Variants in CES3 observed in about 807,000 individuals in gnomAD.
The protein encoded by CES3 is carboxylesterase 3, also known as carboxylesterase 3 (brain).
A neutral mutation model predicts 57.6 loss-of-function variants in CES3; 49 were observed. The observed-to-expected ratio is 0.85, with a 90% confidence interval of 0.68 to 1.08. The LOEUF is 1.08. CES3 is among the 50% of genes least tolerant of loss of function. CES3 has a pLI of 0.00. For missense variants in CES3, 645 were observed against 742.0 expected (o/e 0.87, Z 1.52); for synonymous variants, 266 against 281.6 (o/e 0.94, Z 0.55).
intron 1 of CES3, among the ~76,000 whole-genome samples, chr16:66,962,571 C>A (rs559496818): frequency 9.4e-4 from 143 of 152,154 alleles, no homozygotes; most frequent in African/African-American, 3.3e-3. Context: ...CCAGCCTGGG[C>A]AACATAATGA....
intron 9 of CES3, 54 bp downstream of exon 9, chr16:66,969,813 G>C (rs980620173): frequency 1.3e-6 from 2 of 1,493,832 alleles, no homozygotes; most frequent in Non-Finnish European, 1.8e-6. Flanking sequence ...GAAGCTAGTG[G>C]GTATCCCATC....
chr16:66,969,744 C>T lies in CES3; in HGVS notation c.1128C>T (p.Pro376=), dbSNP rs11861989. 7.1e-3 allele frequency: 11,467 copies of T among 1,612,616 alleles called. 616 individuals are homozygous for T. The African/African-American group carries it at 0.13, about 18-fold the overall frequency. Residue 376 remains proline (P), a synonymous_variant, in exon 9 of 13, where the codon CCC becomes CCT. Transcript: ENST00000303334. ...AGGACATGCTGGCCATCTCAACACC[C>T]GTCTTGACCAGTCTGGTGAGACAAG... ...SREDMLAIST[P]VLTSLDVPPE... is the part of the protein sequence containing the mutation.
At chr16:66,968,667 A>G (rs1338132690) in intron 8 of CES3, among the ~76,000 whole-genome samples, 1 of 152,152 alleles carries the variant, frequency 6.6e-6, no homozygotes. Flanking sequence ...TAATCCCAGC[A>G]CTTTGGGAGG....
At chr16:66,971,056 C>T (rs1028209112) in intron 9 of CES3, 116 bp from the exon 10 acceptor site, 55 of 1,231,598 alleles carry the variant, frequency 4.5e-5, no homozygotes, top group Middle Eastern at 2.8e-4. Flanking sequence ...TGGCTGTCCC[C>T]TGGACCATCA....
intron 9 of CES3, 144 bp from the exon 10 acceptor site, chr16:66,971,028 G>A: frequency 3.5e-6 from 3 of 861,164 alleles, no homozygotes; most frequent in Non-Finnish European, 5.1e-6. Context: ...CAAACTCCCA[G>A]GGAGGCAGAG....
At chr16:66,972,317 C>T in intron 10 of CES3, 39 bp from the exon 11 acceptor site, 2 of 1,532,026 alleles carry the variant, frequency 1.3e-6, no homozygotes, top group Non-Finnish European at 1.8e-6. Flanking sequence ...TCGAATCAGG[C>T]CATGAGTGCC....
intron 5 of CES3, 28 bp downstream of exon 5, chr16:66,964,538 G>A (rs184017136): frequency 1.2e-6 from 2 of 1,612,528 alleles, no homozygotes; most frequent in Admixed American, 1.7e-5. Context: ...GCTAGTGATG[G>A]TGGCCAGGAG....
intron 8 of CES3, among the ~76,000 whole-genome samples, chr16:66,969,347 G>C (rs995508241): frequency 6.6e-6 from 1 of 152,036 alleles, no homozygotes; most frequent in Admixed American, 6.5e-5. Context: ...CGGAGGTTGC[G>C]GTGAGCCGAG....
intron 1 of CES3, 191 bp from the exon 2 acceptor site, chr16:66,962,988 T>C: frequency 1.4e-6 from 1 of 711,512 alleles, no homozygotes; most frequent in Admixed American, 2.0e-5. Context: ...TGGAGTGGAG[T>C]GGTAGTGACT....
Position 66,963,594 on chromosome 16 carries a change from A to G in CES3, c.391A>G (p.Ser131Gly). 6.2e-7 allele frequency: 1 copy of G among 1,614,226 alleles called. No individual in the cohort carries two copies. The highest frequency in any genetic ancestry group is 8.5e-7 in the Non-Finnish European group (1 of 1,180,042). Reference sequence around the variant, plus strand: ...GGACTGCCTGGTCCTCAACGTCTATAGCCCAGCTGAGGTCCCCGCAGGGTC... The same window carrying G: ...GGACTGCCTGGTCCTCAACGTCTATGGCCCAGCTGAGGTCCCCGCAGGGTC... ...SEDCLVLNVYSPAEVPAGSGR... is the reference protein window; with the variant it reads ...SEDCLVLNVYGPAEVPAGSGR... The change falls in exon 3 of 13, where the codon AGC (serine) becomes GGC (glycine). Residue 131 changes from serine (S) to glycine (G), a missense_variant. Transcript: ENST00000303334. This position sits in a 1 kb window ranked among gnomAD's most constrained non-coding sequence, Gnocchi z 4.9.
At position 66,962,024 on chromosome 16, in the gene CES3, G is replaced by A. The variant is rs117616318; in HGVS notation, c.82+635G>A. Among the ~76,000 whole-genome samples the A allele has an allele frequency of 4.7e-3, 722 of 152,368 alleles. 1 individual carries two copies. The highest frequency in any genetic ancestry group is 0.01 in the Middle Eastern group (3 of 294). ...GGGCCACAGAGGGAAGCACCAGGTG[G>A]CATCAGCCAGGAGGCAGAGGGAGCA... On this transcript the variant is annotated intron_variant, in intron 1 of 12. Transcript: ENST00000303334.
At chr16:66,967,709 C>T (rs865785547) in intron 8 of CES3, 30 of 982,680 alleles carry the variant, frequency 3.1e-5, no homozygotes, top group Middle Eastern at 5.2e-4. Flanking sequence ...TTCGTCTTGG[C>T]CCATTGCACA....
At chr16:66,972,247 C>G in intron 10 of CES3, 109 bp from the exon 11 acceptor site, 1 of 1,126,832 alleles carries the variant, frequency 8.9e-7, no homozygotes, top group Admixed American at 2.7e-5. Context: ...ATTTTATCAT[C>G]ATCATCATCA....
rs1207366942 is a variant in CES3, at chr16:66,963,640, C to G, written c.426+11C>G. 10 of 1,613,916 alleles carry G rather than the reference C, an allele frequency of 6.2e-6. No homozygotes were observed. In the Admixed American group the frequency reaches 1.7e-4, roughly 27 times the overall value. ...GGGTCCGGTAGGCCGGTAGGCACCCCAGAGGGCCCTGTCCACCTGATCCAG... is the reference window on the plus strand; with the variant it reads ...GGGTCCGGTAGGCCGGTAGGCACCCGAGAGGGCCCTGTCCACCTGATCCAG... On this transcript the variant is annotated intron_variant, in intron 3 of 12. Coordinates refer to ENST00000303334, the MANE Select transcript of CES3 (RefSeq NM_024922.6). This position sits in a 1 kb window ranked among gnomAD's most constrained non-coding sequence, Gnocchi z 4.9.
intron 12 of CES3, 23 bp from the exon 13 acceptor site, chr16:66,972,831 C>G (rs1328371198): frequency 3.1e-6 from 5 of 1,613,830 alleles, no homozygotes; most frequent in Non-Finnish European, 4.2e-6. Flanking sequence ...AAGCCTTGGT[C>G]CTCATTCATT....
chr16:66,966,344 T>C lies in CES3; in HGVS notation c.920T>C (p.Leu307Pro). The change falls in exon 7 of 13, where the codon CTG (leucine) becomes CCG (proline). Residue 307 changes from leucine to proline, a missense_variant and splice_region_variant. Coordinates refer to ENST00000303334, the MANE Select transcript of CES3 (RefSeq NM_024922.6). ...EGEELVLSKK[L>P]KNTIYPLTVD... ...GAAGAGCTGGTCCTTAGCAAGAAGC[T>C]GGTATGGCCACCCTTTTGGGGATGG... is the stretch of plus-strand genomic sequence containing the variant. 2 of 1,613,388 alleles carry C rather than the reference T, an allele frequency of 1.2e-6. No homozygotes were observed. The highest frequency in any genetic ancestry group is 1.7e-5 in the Admixed American group (1 of 60,016).
In CES3 at chr16:66,963,718, C is replaced by T. The variant is rs577410639; in HGVS notation, c.427-84C>T. The T allele has an allele frequency of 6.6e-5, 106 of 1,612,042 alleles. 1 individual carries two copies. In the South Asian group the frequency reaches 7.0e-4, roughly 11 times the overall value. The stretch of plus-strand genomic sequence containing the variant: ...CGTCCCTGTTTCCAAAGCACCCTAG[C>T]GGTCCTGAGACTGCCTGGGCTGGCA... On this transcript the variant is annotated intron_variant, in intron 3 of 12. Transcript: ENST00000303334. The surrounding 1 kb of genome is among the most constrained non-coding windows in gnomAD (Gnocchi z 4.9).
intron 10 of CES3, among the ~76,000 whole-genome samples, chr16:66,971,774 G>A (rs1305812364): frequency 6.6e-6 from 1 of 152,120 alleles, no homozygotes; most frequent in Non-Finnish European, 1.5e-5. Flanking sequence ...TTTGTAAAAT[G>A]GAAATAATAA....
rs1963649374 is a variant in CES3 at position 66,961,374 on chromosome 16, C to T, written c.67C>T (p.Pro23Ser). 1.2e-6 allele frequency: 2 copies of T among 1,612,390 alleles called. No homozygotes were observed. Among genetic ancestry groups the T allele is most frequent in the African/African-American group, 1.3e-5 (1 of 74,996 alleles). Residue 23 changes from proline to serine, a missense_variant, in exon 1 of 13, where the codon CCT becomes TCT. Coordinates refer to ENST00000303334, the MANE Select transcript of CES3 (RefSeq NM_024922.6). ...VGVVCLLLACPATATGPEVAQ... is the reference protein window; with the variant it reads ...VGVVCLLLACSATATGPEVAQ... ...GGTGGTCTGTCTGCTCCTGGCATGC[C>T]CTGCCACAGCCACTGGTAAGACACA...
Sources: gnomAD v4.1 joint callset for allele counts (sites outside exome capture counted in the v4.1 genomes callset) on GRCh38, gnomAD v4.1.1 for gene constraint, Gnocchi (gnomAD v3.1) non-coding constraint, MANE v1.5 for transcripts, NCBI Gene and HGNC (gene_info 2026-07-23, HGNC 2026-07-21) for gene names.